VPS53: variants seen among roughly 807,000 people sequenced by gnomAD.
The protein encoded by VPS53 is VPS53 subunit of GARP complex.
VPS53 carries 70 observed loss-of-function variants against 107.0 expected under a neutral mutation model. The observed-to-expected ratio is 0.65, with a 90% confidence interval of 0.54 to 0.80. VPS53 has a LOEUF of 0.80. Among genes scored for constraint, VPS53 ranks in the 30% least tolerant of loss-of-function variants. The pLI is 0.00. For synonymous variants in VPS53, 409 were observed against 393.3 expected (o/e 1.04, Z -0.47); for missense variants, 917 against 1,049.4 (o/e 0.87, Z 1.74).
At chr17:632,902 T>C (rs1395310459) in intron 7 of VPS53, 6 of 394,182 alleles carry the variant, frequency 1.5e-5, no homozygotes, top group South Asian at 5.6e-5. Flanking sequence ...AAAAGAATGT[T>C]TTCTAAGGTA....
intron 11 of VPS53, among the ~76,000 whole-genome samples, chr17:620,133 G>A (rs1002129412): frequency 1.9e-4 from 29 of 152,178 alleles, no homozygotes; most frequent in Non-Finnish European, 4.1e-4. Flanking sequence ...TGCTAAGTAG[G>A]AAAAGAGTGC....
chr17:611,954 A>G (rs1968899546), intron 11 of VPS53, among the ~76,000 whole-genome samples: 1 of 152,198 alleles, frequency 6.6e-6, no homozygotes, highest in Admixed American at 6.5e-5. Context: ...AGATATTCAC[A>G]TAGTTCACAC....
At chr17:661,787 T>C in intron 5 of VPS53, 22 bp downstream of exon 5, 1 of 1,548,906 alleles carries the variant, frequency 6.5e-7, no homozygotes, top group Non-Finnish European at 8.7e-7. Flanking sequence ...TGCAAAAAGG[T>C]TAGGAAGAAA....
intron 4 of VPS53, among the ~76,000 whole-genome samples, chr17:686,315 G>A (rs898360492): frequency 6.6e-6 from 1 of 151,992 alleles, no homozygotes; most frequent in Non-Finnish European, 1.5e-5. Flanking sequence ...GTGAGACCCT[G>A]TCTCTAAGAA....
intron 12 of VPS53, among the ~76,000 whole-genome samples, chr17:597,949 G>GCTGTCC (rs1567661842): frequency 9.9e-5 from 9 of 91,180 alleles, no homozygotes; most frequent in African/African-American, 3.3e-4. Flanking sequence ...ATGACTTGCA[G>GCTGTCC]CTCTCCCTCT....
At chr17:705,440 T>C (rs958983521) in intron 2 of VPS53, among the ~76,000 whole-genome samples, 1 of 145,776 alleles carries the variant, frequency 6.9e-6, no homozygotes, top group Non-Finnish European at 1.5e-5. Flanking sequence ...AAAAAAAAAA[T>C]TAAAAATCAG....
At chr17:538,574 G>C (rs547431302) in intron 17 of VPS53, 1 of 152,350 alleles carries the variant, frequency 6.6e-6, no homozygotes, top group East Asian at 1.9e-4. Flanking sequence ...GCTGTGGGAA[G>C]CTCAAATGAC....
At chr17:700,559 A>T (rs1973159624) in intron 2 of VPS53, among the ~76,000 whole-genome samples, 1 of 152,146 alleles carries the variant, frequency 6.6e-6, no homozygotes, top group Non-Finnish European at 1.5e-5. Context: ...CTCAAAAAAA[A>T]ATATTTTCTT....
rs1304738707 is a variant in VPS53, at chr17:553,412, G to T, written c.1755C>A (p.Ile585=). 1 of 1,614,078 alleles carries T rather than the reference G, an allele frequency of 6.2e-7. No homozygotes were observed. Among genetic ancestry groups the T allele is most frequent in the African/African-American group, 1.3e-5 (1 of 75,036 alleles). The part of the protein sequence containing the change: ...EKVDVSLIER[I]NLTGEMDTFS... ...ACGTGTCCATCTCTCCAGTCAGATT[G>T]ATTCGTTCAATCAGACTTACATCCA... is the stretch of plus-strand genomic sequence containing the variant. The change falls in exon 16 of 22, where the codon ATC becomes ATA. Residue 585 remains isoleucine, a synonymous_variant. Coordinates refer to ENST00000437048, the MANE Select transcript of VPS53 (RefSeq NM_001128159.3).
chr17:601,621 C>A (rs1968328138), intron 12 of VPS53, among the ~76,000 whole-genome samples, 174 bp downstream of exon 12: 1 of 152,102 alleles, frequency 6.6e-6, no homozygotes, highest in South Asian at 2.1e-4. Flanking sequence ...GGGAAGTCTG[C>A]CCTTTCATGG....
chr17:710,541 T>C lies in VPS53; in HGVS notation c.160A>G (p.Thr54Ala), dbSNP rs760997680. The change falls in exon 2 of 22, where the codon ACC (threonine) becomes GCC (alanine). Residue 54 changes from threonine to alanine, a missense_variant. Transcript: ENST00000437048. ...AVEYINTLFP[T>A]EQSLANIDEV... ...CCTGAAACTCTACTTACTTGCTCGG[T>C]TGGGAACAGGGTATTGATATACTCA... The C allele has an allele frequency of 1.5e-5, 25 of 1,613,570 alleles. No individual in the cohort carries two copies. Among genetic ancestry groups the C allele is most frequent in the Non-Finnish European group, 1.8e-5 (21 of 1,179,768 alleles).
chr17:525,666 C>G (rs1044766650), intron 19 of VPS53, among the ~76,000 whole-genome samples: 1 of 151,400 alleles, frequency 6.6e-6, no homozygotes. Flanking sequence ...TGCACCCCAG[C>G]CTGGGAGACA....
chr17:701,827 A>G (rs1973213868), intron 2 of VPS53, among the ~76,000 whole-genome samples: 2 of 152,178 alleles, frequency 1.3e-5, no homozygotes, highest in East Asian at 1.9e-4. Flanking sequence ...CCTGGGCTCA[A>G]GCAATCCTCC....
intron 4 of VPS53, 100 bp from the exon 5 acceptor site, chr17:661,995 T>G: frequency 9.5e-7 from 1 of 1,053,974 alleles, no homozygotes; most frequent in African/African-American, 1.6e-5. Flanking sequence ...TCCATGAAGC[T>G]CTCCTGATTC....
chr17:558,716 G>A (rs1281981548), intron 15 of VPS53, among the ~76,000 whole-genome samples: 2 of 146,798 alleles, frequency 1.4e-5, no homozygotes, highest in Admixed American at 6.8e-5. Flanking sequence ...CCGGGCACAG[G>A]GGCTCACACC....
chr17:605,332 C>A (rs1296896156), intron 11 of VPS53, among the ~76,000 whole-genome samples: 1 of 152,058 alleles, frequency 6.6e-6, no homozygotes, highest in African/African-American at 2.4e-5. Flanking sequence ...CAGAAAAGGT[C>A]TCTGAGGAGA....
At position 517,518 on chromosome 17, in the gene VPS53, C is replaced by T; in HGVS notation, c.*1610G>A. 1 of 398,408 alleles carries T rather than the reference C, an allele frequency of 2.5e-6. No homozygotes were observed. Among genetic ancestry groups the T allele is most frequent in the Non-Finnish European group, 4.4e-6 (1 of 225,986 alleles). 24.7% of individuals were successfully genotyped at this position (398,408 alleles called of 1,614,324 possible). ...GTTTTATGGATTTTAAGGAAATTTC[C>T]TCTATCCTGAAAACTTTTTGAGAAG... On this transcript the variant is annotated 3_prime_UTR_variant, in exon 22 of 22. Coordinates refer to ENST00000437048, the MANE Select transcript of VPS53 (RefSeq NM_001128159.3).
intron 13 of VPS53, among the ~76,000 whole-genome samples, chr17:575,391 AC>A (rs1160630674): frequency 6.6e-6 from 1 of 152,208 alleles, no homozygotes; most frequent in Admixed American, 6.5e-5. Flanking sequence ...GTGCAATCAG[AC>A]CTAAATGCGT....
chr17:659,846 A>G (rs1349835736), intron 5 of VPS53, among the ~76,000 whole-genome samples: 4 of 151,964 alleles, frequency 2.6e-5, no homozygotes, highest in Non-Finnish European at 5.9e-5. Context: ...ACTGGAGCTG[A>G]CTGGTCTCTT....
Sources: gnomAD v4.1 joint callset for allele counts (sites outside exome capture counted in the v4.1 genomes callset) on GRCh38, gnomAD v4.1.1 for gene constraint, MANE v1.5 for transcripts, NCBI Gene and HGNC (gene_info 2026-07-23, HGNC 2026-07-21) for gene names.